The following NAV3 variants were observed in gnomAD, a reference collection of about 807,000 sequenced individuals.
The protein encoded by NAV3 is neuron navigator 3.
In NAV3, 87 loss-of-function variants were observed where a neutral mutation model predicts 244.7. The observed-to-expected ratio is 0.36, with a 90% CI of 0.30 to 0.42. The LOEUF is 0.42. NAV3 is among the 20% of genes least tolerant of loss of function. NAV3 has a pLI of 1.00. For missense variants in NAV3, 2,663 were observed against 2,893.3 expected, an observed-to-expected ratio of 0.92 and a Z score of 1.83; for synonymous variants, 1,126 against 1,042.2, an observed-to-expected ratio of 1.08 and a Z score of -1.55.
At chr12:77,819,425 T>G (rs546449065) in intron 2 of NAV3, among the ~76,000 whole-genome samples, 1 of 151,900 alleles carries the variant, frequency 6.6e-6, no homozygotes, top group South Asian at 2.1e-4. Flanking sequence ...CACTAATTAC[T>G]TAAAGGTTAT....
chr12:77,676,074 C>G (rs899721933), intron 2 of NAV3, among the ~76,000 whole-genome samples: 3 of 149,684 alleles, frequency 2.0e-5, no homozygotes, highest in African/African-American at 7.4e-5. Context: ...GGAGTGCTAG[C>G]TTTTTTTTTT....
At chr12:77,972,876 A>T (rs1893111898) in intron 5 of NAV3, among the ~76,000 whole-genome samples, 1 of 152,146 alleles carries the variant, frequency 6.6e-6, no homozygotes. Context: ...GTTGGCAGGA[A>T]AGCTAAAAGA....
At chr12:78,119,206 C>A (rs2138596339) in intron 14 of NAV3, 31 bp from the exon 15 acceptor site, 3 of 1,577,832 alleles carry the variant, frequency 1.9e-6, no homozygotes, top group Non-Finnish European at 2.6e-6. Flanking sequence ...ACTCTACAGG[C>A]ACATATATTT....
chr12:77,809,059 C>A (rs150161559), intron 2 of NAV3, among the ~76,000 whole-genome samples: 56 of 152,290 alleles, frequency 3.7e-4, no homozygotes, highest in African/African-American at 1.3e-3. Context: ...CTTCAGAATG[C>A]TGTGCTGGCA....
chr12:77,638,181 C>G (rs1872239915), intron 2 of NAV3, among the ~76,000 whole-genome samples: 1 of 152,146 alleles, frequency 6.6e-6, no homozygotes, highest in South Asian at 2.1e-4. Context: ...TAATTAAAAA[C>G]TAGAATCTTT....
chr12:77,769,216 G>C (rs1869945005), intron 2 of NAV3, among the ~76,000 whole-genome samples: 1 of 152,144 alleles, frequency 6.6e-6, no homozygotes, highest in Non-Finnish European at 1.5e-5. Flanking sequence ...CAATATAGTT[G>C]CTGCATGTTT....
chr12:77,715,644 T>C (rs982073386), intron 2 of NAV3, among the ~76,000 whole-genome samples: 7 of 152,008 alleles, frequency 4.6e-5, no homozygotes, highest in African/African-American at 1.7e-4. Context: ...AACTAAACCA[T>C]TTATAATTTT....
chr12:77,838,784 A>C (rs1482450972), intron 1 of NAV3, among the ~76,000 whole-genome samples: 2 of 152,202 alleles, frequency 1.3e-5, no homozygotes, highest in Non-Finnish European at 2.9e-5. Context: ...TTGTATTAGG[A>C]GCTCAAATTT....
chr12:77,934,110 C>T (rs963150772), intron 1 of NAV3, among the ~76,000 whole-genome samples: 24 of 152,084 alleles, frequency 1.6e-4, no homozygotes, highest in African/African-American at 5.8e-4. Flanking sequence ...TCTTCCTTTT[C>T]TTTCTGCAGT....
chr12:77,901,526 A>G (rs747595612), intron 1 of NAV3, among the ~76,000 whole-genome samples: 6 of 152,052 alleles, frequency 3.9e-5, no homozygotes, highest in Non-Finnish European at 7.4e-5. Context: ...CCTGGCCAAC[A>G]TGGTGAAACC....
chr12:78,157,145 C>A (rs1565735332), intron 22 of NAV3, among the ~76,000 whole-genome samples: 1 of 151,976 alleles, frequency 6.6e-6, no homozygotes, highest in Non-Finnish European at 1.5e-5. Context: ...TTGAAATGTC[C>A]TATTTCTTGA....
At chr12:77,968,450 C>A in intron 4 of NAV3, 69 bp from the exon 5 acceptor site, 2 of 1,160,568 alleles carry the variant, frequency 1.7e-6, no homozygotes, top group Non-Finnish European at 2.6e-6. Context: ...AAGAGAAATG[C>A]ATCTAGAATT....
At chr12:78,024,261 C>G (rs1160162471) in intron 9 of NAV3, among the ~76,000 whole-genome samples, 1 of 152,144 alleles carries the variant, frequency 6.6e-6, no homozygotes, top group African/African-American at 2.4e-5. Flanking sequence ...AAATCATGAC[C>G]TGGTTACATT....
intron 2 of NAV3, among the ~76,000 whole-genome samples, chr12:77,602,006 G>C (rs1045703808): frequency 1.1e-4 from 16 of 152,020 alleles, no homozygotes; most frequent in Non-Finnish European, 1.8e-4. Context: ...AAATAGTCTA[G>C]TTTAAACAAG....
chr12:77,776,838 C>A (rs1852440), intron 2 of NAV3, among the ~76,000 whole-genome samples: 144,408 of 152,160 alleles, frequency 0.95, 68,959 homozygotes, highest in East Asian at 1. Flanking sequence ...AAAATTAGCC[C>A]GGTCTGGTGG....
intron 2 of NAV3, among the ~76,000 whole-genome samples, chr12:77,745,758 T>A (rs894271068): frequency 1.3e-5 from 2 of 151,982 alleles, no homozygotes; most frequent in Non-Finnish European, 2.9e-5. Flanking sequence ...TCGTTGAGGT[T>A]ACATGTGTAT....
At chr12:77,636,890 A>G (rs1006741175) in intron 2 of NAV3, among the ~76,000 whole-genome samples, 8 of 152,108 alleles carry the variant, frequency 5.3e-5, no homozygotes, top group African/African-American at 1.9e-4. Flanking sequence ...TAACACAAGA[A>G]CAGAAAACCA....
intron 1 of NAV3, among the ~76,000 whole-genome samples, chr12:77,844,178 G>A (rs767350765): frequency 3.7e-4 from 57 of 152,092 alleles, no homozygotes; most frequent in Non-Finnish European, 7.2e-4. Flanking sequence ...TCGAGGTGAC[G>A]GCAGGTTTGG....
intron 8 of NAV3, among the ~76,000 whole-genome samples, chr12:78,017,764 T>G (rs1349120490): frequency 6.6e-6 from 1 of 152,160 alleles, no homozygotes; most frequent in Non-Finnish European, 1.5e-5. Context: ...AACCCAAATA[T>G]TTTTATTTAA....
Sources: allele counts gnomAD v4.1 joint callset (sites outside exome capture counted in the v4.1 genomes callset), GRCh38; gene constraint gnomAD v4.1.1; transcripts MANE v1.5; gene names NCBI Gene and HGNC (gene_info 2026-07-23, HGNC 2026-07-21).